Variants in C2orf81 observed in about 807,000 individuals in gnomAD.
C2orf81 encodes the protein uncharacterized protein C2orf81.
Under a neutral mutation model 7.9 loss-of-function variants are expected in C2orf81, and 5 were observed. The ratio of observed to expected loss-of-function variants is 0.63; its 90% CI spans 0.33 to 1.33. C2orf81 has a LOEUF of 1.33. C2orf81 is among the 40% of genes most tolerant of loss of function. C2orf81 has a pLI of 0.05. For missense variants in C2orf81, 781 were observed against 830.4 expected (o/e 0.94, Z 0.73); for synonymous variants, 346 against 367.4 (o/e 0.94, Z 0.66).
Position 74,416,011 on chromosome 2 carries a change from C to T in C2orf81, c.249G>A (p.Gln83=). The T allele has an allele frequency of 6.5e-7, 1 of 1,550,108 alleles. No individual in the cohort carries two copies. The highest frequency in any genetic ancestry group is 1.4e-5 in the African/African-American group (1 of 73,188). The change falls in exon 2 of 3, where the codon CAG becomes CAA. Residue 83 remains glutamine (Q), a splice_region_variant and synonymous_variant. Coordinates refer to ENST00000684111, the MANE Select transcript of C2orf81 (RefSeq NM_001316764.3). Reference sequence around the variant, plus strand: ...CTGAAGGACCCGGATCCCGGCCCACCTGCTGAGTCAGGTAGACTTTGAAAG... The same window carrying T: ...CTGAAGGACCCGGATCCCGGCCCACTTGCTGAGTCAGGTAGACTTTGAAAG... The part of the protein sequence containing the change: ...DSAFKVYLTQ[Q]CIPFTISQAR...
At chr2:74,417,796 AT>A (rs1045218387) in intron 1 of C2orf81, 4 of 519,380 alleles carry the variant, frequency 7.7e-6, no homozygotes, top group Admixed American at 5.0e-5. Context: ...CCAGAGAGCA[AT>A]GTCACCACCA....
intron 1 of C2orf81, among the ~76,000 whole-genome samples, chr2:74,421,218 T>A (rs1676604066): frequency 1.3e-5 from 2 of 152,244 alleles, no homozygotes; most frequent in African/African-American, 4.8e-5. Context: ...CTCTAAATGC[T>A]CATCCATTTA....
At chr2:74,417,713 C>A in intron 1 of C2orf81, 1 of 554,586 alleles carries the variant, frequency 1.8e-6, no homozygotes, top group Non-Finnish European at 3.0e-6. Context: ...ACCAGGGGAA[C>A]CCTCCCAGGC....
Position 74,414,868 on chromosome 2 carries a change from G to A in C2orf81, c.1309C>T (p.Leu437Phe), listed in dbSNP as rs1412612784. 4.5e-6 allele frequency: 7 copies of A among 1,550,462 alleles called. No individual in the cohort carries two copies. Among genetic ancestry groups the A allele is most frequent in the Admixed American group, 2.0e-5 (1 of 50,950 alleles). The stretch of plus-strand genomic sequence containing the variant: ...TCACGGAAAGGAATGCCTGGCCGGA[G>A]AGGGAAGAACGCTGCCGGGGAGACA... ...TRVSPAAFFP[L>F]RPGIPFRDLD... Residue 437 changes from leucine to phenylalanine, a missense_variant, in exon 3 of 3, where the codon CTC becomes TTC. By Grantham distance (22) the Leu-to-Phe change is conservative (BLOSUM62 0). Coordinates refer to ENST00000684111, the MANE Select transcript of C2orf81 (RefSeq NM_001316764.3). This position sits in a 1 kb window ranked among gnomAD's most constrained non-coding sequence, Gnocchi z 5.3.
At chr2:74,417,383 T>C (rs1345410703) in intron 1 of C2orf81, 4 of 1,308,698 alleles carry the variant, frequency 3.1e-6, no homozygotes, top group Middle Eastern at 2.1e-4. Context: ...GGGCCTCACC[T>C]GGACAATAGG....
chr2:74,416,298 TA>T lies in C2orf81; in HGVS notation c.19-58del. The T allele has an allele frequency of 2.5e-6, 3 of 1,215,672 alleles. No homozygotes were observed. In the South Asian group the frequency reaches 3.9e-5, roughly 16 times the overall value. The allele number at this position is 1,215,672 out of a possible 1,614,324, so 75.3% of individuals were successfully genotyped here. On this transcript the variant is annotated intron_variant, in intron 1 of 2. Coordinates refer to ENST00000684111, the MANE Select transcript of C2orf81 (RefSeq NM_001316764.3). ...GAAACCAAGAAGTGGAACGGAAGAG[TA>T]GCTATAGGCTAGGAGGAAGCTTTCT... is the stretch of plus-strand genomic sequence containing the variant.
rs752168665 is a variant in C2orf81, at chr2:74,415,169, G to C, written c.1008C>G (p.Pro336=). ...CIASGVLVSY[P]SVGGATRPSA... ...AGGGGCGGGTGGCGCCGCCCACAGA[G>C]GGGTAGGACACCAACACGCCCGAGG... Residue 336 remains proline (P), a synonymous_variant, in exon 3 of 3, where the codon CCC becomes CCG. Coordinates refer to ENST00000684111, the MANE Select transcript of C2orf81 (RefSeq NM_001316764.3). The surrounding 1 kb of genome is among the most constrained non-coding windows in gnomAD (Gnocchi z 5.5). 9.1e-6 allele frequency: 14 copies of C among 1,543,110 alleles called. 1 individual carries two copies. The East Asian group carries it at 3.2e-4, about 35-fold the overall frequency.
At position 74,414,967 on chromosome 2, in the gene C2orf81, C is replaced by G. The variant is rs1357429399; in HGVS notation, c.1210G>C (p.Ala404Pro). The change falls in exon 3 of 3, where the codon GCC becomes CCC. Residue 404 changes from alanine to proline, a missense_variant. Physicochemically the swap from Ala to Pro is conservative, Grantham distance 27. Coordinates refer to ENST00000684111, the MANE Select transcript of C2orf81 (RefSeq NM_001316764.3). This position sits in a 1 kb window ranked among gnomAD's most constrained non-coding sequence, Gnocchi z 5.3. ...TCGCCCCGCTGGCGTCCGCGGTAGG[C>G]TTCCAAGGGGCGTGTTTGAGAGTCT... ...VPDSQTRPLE[A>P]YRGRQRGEKT... 1 of 1,548,486 alleles carries G rather than the reference C, an allele frequency of 6.5e-7. No individual in the cohort carries two copies. The highest frequency in any genetic ancestry group is 2.0e-5 in the Admixed American group (1 of 50,922).
Position 74,415,736 on chromosome 2 carries a change from C to A in C2orf81, c.441G>T (p.Ser147=). ...GSVPVLHAST[S]EGLENFQGEV... ...CGCCTTGGAAGTTCTCCAGGCCCTC[C>A]GAGGTGGACGCGTGCAGCACGGGCA... Residue 147 remains serine, a synonymous_variant, in exon 3 of 3, where the codon TCG becomes TCT. Transcript: ENST00000684111. The surrounding 1 kb of genome is among the most constrained non-coding windows in gnomAD (Gnocchi z 5.5). 6.4e-7 allele frequency: 1 copy of A among 1,551,588 alleles called. No homozygotes were observed. Among genetic ancestry groups the A allele is most frequent in the Non-Finnish European group, 8.7e-7 (1 of 1,147,004 alleles).
chr2:74,414,336 G>C lies in C2orf81; in HGVS notation c.1841C>G (p.Pro614Arg). The change falls in exon 3 of 3, where the codon CCC (proline) becomes CGC (arginine). Residue 614 changes from proline (P) to arginine (R), a missense_variant. Transcript: ENST00000684111. The surrounding 1 kb of genome is among the most constrained non-coding windows in gnomAD (Gnocchi z 5.3). ...TCATTAGCTGTGCTACGGTCACCTG[G>C]GCTTTGGGGCACCTGTCTGGATGGG... ...QHPIQTGAPK[P>R]R 1 of 1,482,254 alleles carries C rather than the reference G, an allele frequency of 6.7e-7. No homozygotes were observed. Among genetic ancestry groups the C allele is most frequent in the Non-Finnish European group, 9.0e-7 (1 of 1,109,328 alleles). The allele number at this position is 1,482,254 out of a possible 1,614,324, so 91.8% of individuals were successfully genotyped here. A position where few individuals can be genotyped will look rare whatever the true frequency, so the allele number is the denominator to read the frequency against.
In C2orf81 at chr2:74,415,074, C is replaced by T. The variant is rs1676408145; in HGVS notation, c.1103G>A (p.Arg368His). The change falls in exon 3 of 3, where the codon CGC becomes CAC. Residue 368 changes from arginine to histidine, a missense_variant. By Grantham distance (29) the Arg-to-His change is conservative (BLOSUM62 0). Transcript: ENST00000684111. This position sits in a 1 kb window ranked among gnomAD's most constrained non-coding sequence, Gnocchi z 5.5. ...CAGGCGTTTCACGGCCGCCTTGCGG[C>T]GCATCCTGTGGTGGTGGGCGCTCAG... ...VRLSAHHHRM[R>H]RKAAVKRLDP... is the part of the protein sequence containing the mutation. The T allele has an allele frequency of 6.5e-7, 1 of 1,548,042 alleles. No homozygotes were observed. Among genetic ancestry groups the T allele is most frequent in the Non-Finnish European group, 8.7e-7 (1 of 1,145,642 alleles).
Position 74,415,248 on chromosome 2 carries a change from A to C in C2orf81, c.929T>G (p.Leu310Arg). 6.4e-7 allele frequency: 1 copy of C among 1,551,366 alleles called. No homozygotes were observed. The highest frequency in any genetic ancestry group is 8.7e-7 in the Non-Finnish European group (1 of 1,146,980). ...TTCCAGCCGATCCCCAGCCGCGTCC[A>C]GTTGAGGCATGCAACAGTAGAGGTC... The part of the protein sequence containing the change: ...LEDLYCCMPQ[L>R]DAAGDRLELR... The change falls in exon 3 of 3, where the codon CTG (leucine) becomes CGG (arginine). Residue 310 changes from leucine (L) to arginine (R), a missense_variant. Leu to Arg is a moderately radical substitution (Grantham distance 102). Transcript: ENST00000684111. This position sits in a 1 kb window ranked among gnomAD's most constrained non-coding sequence, Gnocchi z 5.5.
Position 74,415,695 on chromosome 2 carries a change from C to T in C2orf81, c.482G>A (p.Gly161Glu). 6.4e-7 allele frequency: 1 copy of T among 1,551,534 alleles called. No individual in the cohort carries two copies. Among genetic ancestry groups the T allele is most frequent in the Non-Finnish European group, 8.7e-7 (1 of 1,146,998 alleles). ...AATGGCAGAGGAGTCCGGAGAGGCT[C>T]CTGAGGAGTGTACTTCGCCTTGGAA... Reference protein sequence around the residue: ...ENFQGEVHSSGASPDSSAIAP... With the variant: ...ENFQGEVHSSEASPDSSAIAP... Residue 161 changes from glycine to glutamate, a missense_variant, in exon 3 of 3, where the codon GGA becomes GAA. Gly to Glu is a moderately conservative substitution (Grantham distance 98). Transcript: ENST00000684111. The surrounding 1 kb of genome is among the most constrained non-coding windows in gnomAD (Gnocchi z 5.5).
chr2:74,416,051 C>T lies in C2orf81; in HGVS notation c.209G>A (p.Arg70Gln), dbSNP rs1034793832. The change falls in exon 2 of 3, where the codon CGA (arginine) becomes CAA (glutamine). Residue 70 changes from arginine to glutamine, a missense_variant. Transcript: ENST00000684111. Reference sequence around the variant, plus strand: ...GACTTTGAAAGCAGAGTCCATGACTCGAGCCAGCAAGTCGGCCAAGATGTC... The same window carrying T: ...GACTTTGAAAGCAGAGTCCATGACTTGAGCCAGCAAGTCGGCCAAGATGTC... ...VGDILADLLA[R>Q]VMDSAFKVYL... 3 of 1,549,764 alleles carry T rather than the reference C, an allele frequency of 1.9e-6. No homozygotes were observed. Among genetic ancestry groups the T allele is most frequent in the Admixed American group, 2.0e-5 (1 of 50,982 alleles).
At chr2:74,421,162 C>A (rs981256738) in intron 1 of C2orf81, among the ~76,000 whole-genome samples, 8 of 152,182 alleles carry the variant, frequency 5.3e-5, no homozygotes, top group Non-Finnish European at 1.0e-4. Context: ...TAATATATTT[C>A]TTCCTCTTGA....
rs1205978628 is a variant in C2orf81 at position 74,418,099 on chromosome 2, A to G, written c.19-1858T>C. ...AGGTGGGGGGTTGGGAGCAGATCAA[A>G]GCTGTCCAGTCCCAGAAGGAAGCTG... is the stretch of plus-strand genomic sequence containing the variant. On this transcript the variant is annotated intron_variant, in intron 1 of 2. Coordinates refer to ENST00000684111, the MANE Select transcript of C2orf81 (RefSeq NM_001316764.3). 3 of 673,422 alleles carry G rather than the reference A, an allele frequency of 4.5e-6. No homozygotes were observed. The African/African-American group carries it at 5.4e-5, about 12-fold the overall frequency. 41.7% of individuals were successfully genotyped at this position (673,422 alleles called of 1,614,324 possible). A position where few individuals can be genotyped will look rare whatever the true frequency, so the allele number is the denominator to read the frequency against.
At position 74,415,336 on chromosome 2, in the gene C2orf81, C is replaced by G. The variant is rs1035693119; in HGVS notation, c.841G>C (p.Val281Leu). 2.6e-6 allele frequency: 4 copies of G among 1,536,556 alleles called. No individual in the cohort carries two copies. Among genetic ancestry groups the G allele is most frequent in the Non-Finnish European group, 3.5e-6 (4 of 1,138,118 alleles). The stretch of plus-strand genomic sequence containing the variant: ...CCAGTTGAGGCCTGGGGGCTGGCTA[C>G]CAGGTACGGATCCAGAGAAGGGTCG... ...DADPSLDPYL[V>L]ASPQASTGRG... The change falls in exon 3 of 3, where the codon GTA becomes CTA. Residue 281 changes from valine to leucine, a missense_variant. By Grantham distance (32) the Val-to-Leu change is conservative (BLOSUM62 1). Transcript: ENST00000684111. This position sits in a 1 kb window ranked among gnomAD's most constrained non-coding sequence, Gnocchi z 5.5.
intron 1 of C2orf81, chr2:74,417,387 C>A (rs1300676469): frequency 7.6e-7 from 1 of 1,308,832 alleles, no homozygotes. Context: ...CTCACCTGGA[C>A]AATAGGTGAC....
intron 1 of C2orf81, among the ~76,000 whole-genome samples, chr2:74,418,972 G>T (rs1230534599): frequency 2.6e-5 from 4 of 152,078 alleles, no homozygotes; most frequent in African/African-American, 9.7e-5. Flanking sequence ...TTTGAGGTCA[G>T]GAGTTCGAGA....
Sources: allele counts gnomAD v4.1 joint callset (sites outside exome capture counted in the v4.1 genomes callset), GRCh38; gene constraint gnomAD v4.1.1; non-coding constraint Gnocchi (gnomAD v3.1); transcripts MANE v1.5; gene names NCBI Gene and HGNC (gene_info 2026-07-23, HGNC 2026-07-21).